The following TENM2 variants were observed in gnomAD, a reference collection of about 807,000 sequenced individuals.
TENM2 encodes the protein teneurin-2.
In TENM2, 52 loss-of-function variants were observed where a neutral mutation model predicts 245.2. The observed-to-expected ratio is 0.21, with a 90% confidence interval of 0.17 to 0.27. The LOEUF (loss-of-function observed/expected upper bound fraction) is 0.27, where lower values mean the gene tolerates loss of function less well. Among genes scored for constraint, TENM2 ranks in the 10% least tolerant of loss-of-function variants. The probability of loss-of-function intolerance (pLI) is 1.00; values close to 1 mark genes in which losing one functional copy is unlikely to be tolerated. For synonymous variants in TENM2, 1,363 were observed against 1,438.9 expected, an observed-to-expected ratio of 0.95 and a Z score of 1.19; for missense variants, 3,046 against 3,666.8, an observed-to-expected ratio of 0.83 and a Z score of 4.37.
chr5:167,439,668 C>A (rs1436990360), intron 2 of TENM2, among the ~76,000 whole-genome samples: 2 of 152,054 alleles, frequency 1.3e-5, no homozygotes. Flanking sequence ...CATAATAATA[C>A]ACTTTACATA....
At chr5:167,223,746 G>GT in the TENM2 span, among the ~76,000 whole-genome samples, 1 of 152,200 alleles carries the variant, frequency 6.6e-6, no homozygotes, top group South Asian at 2.1e-4. Flanking sequence ...TCTATTTTTA[G>GT]TTTTTTGAGA....
chr5:167,707,995 G>C (rs1758650667), intron 2 of TENM2, among the ~76,000 whole-genome samples: 1 of 152,096 alleles, frequency 6.6e-6, no homozygotes. Context: ...GCATTTGTTG[G>C]GTCAATGAAT....
At chr5:167,091,408 G>A in the TENM2 span, among the ~76,000 whole-genome samples, 4 of 152,116 alleles carry the variant, frequency 2.6e-5, no homozygotes, top group Non-Finnish European at 5.9e-5. Context: ...TATACTTATA[G>A]TACAGATAAG....
At chr5:167,716,275 C>G (rs1582825950) in intron 2 of TENM2, among the ~76,000 whole-genome samples, 2 of 152,206 alleles carry the variant, frequency 1.3e-5, no homozygotes, top group East Asian at 3.8e-4. Flanking sequence ...ATCTCTTTAA[C>G]ATTCATGCCT....
chr5:167,024,226 G>C, the TENM2 span, among the ~76,000 whole-genome samples: 39 of 152,128 alleles, frequency 2.6e-4, no homozygotes, highest in African/African-American at 9.2e-4. Context: ...CTAAAACTAT[G>C]CAAACATCTC....
At chr5:167,411,596 G>GTGTC (rs1217728622) in intron 2 of TENM2, among the ~76,000 whole-genome samples, 1 of 151,174 alleles carries the variant, frequency 6.6e-6, no homozygotes, top group Non-Finnish European at 1.5e-5. Flanking sequence ...GTGTGTGTGT[G>GTGTC]TGTGTGTGTG....
intron 2 of TENM2, among the ~76,000 whole-genome samples, chr5:167,820,904 A>C (rs1767473284): frequency 6.6e-6 from 1 of 152,188 alleles, no homozygotes; most frequent in Non-Finnish European, 1.5e-5. Context: ...CAGGAAGGAA[A>C]CAATGTGTCT....
At chr5:167,492,343 T>C (rs1217312364) in intron 2 of TENM2, among the ~76,000 whole-genome samples, 1 of 152,106 alleles carries the variant, frequency 6.6e-6, no homozygotes. Context: ...CTCAGTTTCA[T>C]GGTCTATACA....
chr5:167,177,133 G>T, the TENM2 span, among the ~76,000 whole-genome samples: 14 of 152,180 alleles, frequency 9.2e-5, no homozygotes, highest in East Asian at 1.9e-4. Flanking sequence ...AAGGGGAAAT[G>T]AATTTGTTCT....
chr5:167,629,873 AAAG>A (rs1434839076), intron 2 of TENM2, among the ~76,000 whole-genome samples: 1 of 151,934 alleles, frequency 6.6e-6, no homozygotes, highest in Non-Finnish European at 1.5e-5. Flanking sequence ...TATCTAGTAG[AAAG>A]AAGGAGAAGG....
At chr5:167,480,963 A>T (rs1024132854) in intron 2 of TENM2, among the ~76,000 whole-genome samples, 2 of 152,208 alleles carry the variant, frequency 1.3e-5, no homozygotes, top group African/African-American at 4.8e-5. Context: ...CCCATAAAAA[A>T]TTCATAGGTC....
intron 2 of TENM2, chr5:167,755,219 T>C (rs1361483213): frequency 1.9e-6 from 3 of 1,567,910 alleles, no homozygotes; most frequent in Non-Finnish European, 2.6e-6. Flanking sequence ...TGCATGCAGA[T>C]GGGGTTTTGC....
At chr5:168,151,747 A>C (rs1227337259) in intron 12 of TENM2, among the ~76,000 whole-genome samples, 1 of 152,210 alleles carries the variant, frequency 6.6e-6, no homozygotes, top group Non-Finnish European at 1.5e-5. Context: ...CAGCAGCAGA[A>C]TCTGTTGGAA....
At chr5:168,205,975 GAAGA>G (rs1310518995) in intron 19 of TENM2, among the ~76,000 whole-genome samples, 2 of 152,218 alleles carry the variant, frequency 1.3e-5, no homozygotes, top group African/African-American at 2.4e-5. Flanking sequence ...AATGGTAGCA[GAAGA>G]AAGAGGAGTG....
chr5:167,900,996 CT>C (rs1470732074), intron 3 of TENM2, among the ~76,000 whole-genome samples: 3 of 151,500 alleles, frequency 2.0e-5, no homozygotes, highest in African/African-American at 7.3e-5. Context: ...ATATGTGTGC[CT>C]TTTAATTCCT....
At chr5:167,853,671 C>T (rs979071491) in intron 2 of TENM2, among the ~76,000 whole-genome samples, 3 of 152,144 alleles carry the variant, frequency 2.0e-5, no homozygotes, top group African/African-American at 7.2e-5. Flanking sequence ...ATATGGCATG[C>T]CTTTCTAGAA....
chr5:167,663,177 A>G (rs1755342415), intron 2 of TENM2, among the ~76,000 whole-genome samples: 1 of 148,696 alleles, frequency 6.7e-6, no homozygotes, highest in Non-Finnish European at 1.5e-5. Flanking sequence ...AGAGAGAGAG[A>G]GAGAGAGAGA....
At chr5:167,506,400 T>C (rs1010262245) in intron 2 of TENM2, among the ~76,000 whole-genome samples, 6 of 152,168 alleles carry the variant, frequency 3.9e-5, no homozygotes, top group African/African-American at 1.4e-4. Flanking sequence ...CTGCTTTAAC[T>C]ACAACTAACT....
chr5:167,523,052 C>T (rs921116016), intron 2 of TENM2, among the ~76,000 whole-genome samples: 2 of 152,144 alleles, frequency 1.3e-5, no homozygotes, highest in Non-Finnish European at 2.9e-5. Flanking sequence ...TCTCCCTCTG[C>T]TCCATTTTCC....
Sources: allele counts gnomAD v4.1 joint callset (sites outside exome capture counted in the v4.1 genomes callset), GRCh38; gene constraint gnomAD v4.1.1; transcripts MANE v1.5; gene names NCBI Gene and HGNC (gene_info 2026-07-23, HGNC 2026-07-21).